The following ANO1 variants were observed in gnomAD, a reference collection of about 807,000 sequenced individuals.
ANO1 encodes the protein anoctamin 1, also known as anoctamin-1.
In ANO1, 59 loss-of-function variants were observed where a neutral mutation model predicts 124.0. The observed-to-expected ratio is 0.48, with a 90% confidence interval of 0.39 to 0.59. The LOEUF is 0.59. Among genes scored for constraint, ANO1 ranks in the 20% least tolerant of loss-of-function variants. The pLI, the probability that ANO1 is intolerant of heterozygous loss-of-function variation, is 0.00. For missense variants in ANO1, 1,059 were observed against 1,328.0 expected, an observed-to-expected ratio of 0.80 and a Z score of 3.15; for synonymous variants, 529 against 532.0, an observed-to-expected ratio of 0.99 and a Z score of 0.08.
At chr11:70,032,052 A>T (rs1857011291) in intron 1 of ANO1, among the ~76,000 whole-genome samples, 1 of 152,160 alleles carries the variant, frequency 6.6e-6, no homozygotes, top group Non-Finnish European at 1.5e-5. Flanking sequence ...ACACTCAGGG[A>T]GAGGACAGAC....
At chr11:70,144,910 C>T (rs1162655823) in intron 11 of ANO1, among the ~76,000 whole-genome samples, 1 of 152,152 alleles carries the variant, frequency 6.6e-6, no homozygotes, top group Non-Finnish European at 1.5e-5. Context: ...GTGCGTCGTC[C>T]CTGCGTGGAG....
At chr11:70,161,576 G>A (rs1178757059) in intron 17 of ANO1, 46 bp from the exon 18 acceptor site, 1 of 1,594,314 alleles carries the variant, frequency 6.3e-7, no homozygotes. Context: ...GGCTGTTGGG[G>A]GCCATCCCAG....
intron 2 of ANO1, among the ~76,000 whole-genome samples, chr11:70,094,351 G>A (rs1172825500): frequency 2.0e-5 from 3 of 152,230 alleles, no homozygotes; most frequent in Non-Finnish European, 1.5e-5. Flanking sequence ...ATGTGGGCAG[G>A]TGTGGGAGGC....
At chr11:70,141,376 G>A (rs561511037) in intron 11 of ANO1, among the ~76,000 whole-genome samples, 1 of 152,136 alleles carries the variant, frequency 6.6e-6, no homozygotes, top group Non-Finnish European at 1.5e-5. Flanking sequence ...GGGAGTGGGG[G>A]ACTCTGTGCC....
chr11:70,169,225 G>A (rs1054958207), intron 21 of ANO1, among the ~76,000 whole-genome samples: 11 of 152,098 alleles, frequency 7.2e-5, no homozygotes, highest in Middle Eastern at 3.2e-3. Flanking sequence ...AGTTCCTGAC[G>A]GGTTTGGACA....
intron 7 of ANO1, among the ~76,000 whole-genome samples, chr11:70,113,018 C>A (rs945831588): frequency 6.6e-6 from 1 of 152,172 alleles, no homozygotes. Context: ...CCTGTCAGGG[C>A]CTCCTCCTCA....
intron 1 of ANO1, among the ~76,000 whole-genome samples, chr11:69,993,761 C>T (rs1856202248): frequency 6.6e-6 from 1 of 152,256 alleles, no homozygotes; most frequent in Non-Finnish European, 1.5e-5. Context: ...TTCACTCTTT[C>T]TGTCTTCATG....
intron 10 of ANO1, among the ~76,000 whole-genome samples, chr11:70,130,686 C>T (rs566115135): frequency 6.6e-6 from 1 of 152,330 alleles, no homozygotes; most frequent in South Asian, 2.1e-4. Flanking sequence ...CTCTCCTGGC[C>T]ACAGTAGTTG....
intron 1 of ANO1, among the ~76,000 whole-genome samples, chr11:70,013,375 A>C (rs530280594): frequency 1.4e-4 from 21 of 151,340 alleles, no homozygotes; most frequent in African/African-American, 5.2e-4. Flanking sequence ...GGGCCACACC[A>C]GGCTTGCCTT....
intron 11 of ANO1, among the ~76,000 whole-genome samples, chr11:70,140,543 A>G (rs1474152971): frequency 3.3e-5 from 5 of 152,124 alleles, no homozygotes; most frequent in Admixed American, 6.6e-5. Context: ...AGGAAAAAAA[A>G]AAGAAGAAGA....
chr11:70,146,867 G>T (rs1458489833), intron 11 of ANO1, among the ~76,000 whole-genome samples: 1 of 152,202 alleles, frequency 6.6e-6, no homozygotes, highest in African/African-American at 2.4e-5. Flanking sequence ...CTCAGCAAGT[G>T]TGCTCTTCCA....
chr11:70,060,456 G>A (rs1857548191), intron 1 of ANO1, among the ~76,000 whole-genome samples: 1 of 152,216 alleles, frequency 6.6e-6, no homozygotes, highest in South Asian at 2.1e-4. Context: ...ATATGTATTA[G>A]GGAAACACAG....
Position 70,149,832 on chromosome 11 carries a change from C to G in ANO1, c.1341+40C>G, listed in dbSNP as rs181362620. 147 of 1,599,160 alleles carry G rather than the reference C, an allele frequency of 9.2e-5. No homozygotes were observed. The African/African-American group carries it at 1.6e-3, about 18-fold the overall frequency. On this transcript the variant is annotated intron_variant, in intron 12 of 25. Coordinates refer to ENST00000355303, the MANE Select transcript of ANO1 (RefSeq NM_018043.7). ...CGCCGTGCATATCACGCCCTTCCCC[C>G]ACGTTCCCCCTACCCCAGGACCTCC...
intron 1 of ANO1, among the ~76,000 whole-genome samples, chr11:70,011,337 G>A (rs188574581): frequency 6.6e-6 from 1 of 152,144 alleles, no homozygotes; most frequent in Non-Finnish European, 1.5e-5. Context: ...GTGCCTGTCA[G>A]CCAGGTGAGT....
rs750594728 is a variant in ANO1, at chr11:70,170,883, G to A, written c.2198-4G>A. 6.2e-7 allele frequency: 1 copy of A among 1,612,754 alleles called. No homozygotes were observed. The highest frequency in any genetic ancestry group is 1.7e-5 in the Admixed American group (1 of 59,858). On this transcript the variant is annotated splice_polypyrimidine_tract_variant and splice_region_variant and intron_variant, in intron 21 of 25. Transcript: ENST00000355303. ...TGCTGACTAGCACTGGGCTCTCTCT[G>A]CAGTCATCCAGTTTGGCTTCGTCAC...
intron 14 of ANO1, among the ~76,000 whole-genome samples, chr11:70,155,119 TG>T (rs1206388353): frequency 6.6e-6 from 1 of 152,218 alleles, no homozygotes; most frequent in Admixed American, 6.5e-5. Context: ...TCGCACCTCT[TG>T]CAGTGAGCAT....
intron 1 of ANO1, among the ~76,000 whole-genome samples, chr11:70,045,729 G>C (rs1486801324): frequency 2.0e-5 from 3 of 152,156 alleles, no homozygotes; most frequent in Non-Finnish European, 4.4e-5. Flanking sequence ...CACGTGAAAA[G>C]ATGTTTCAAG....
At chr11:70,111,666 C>A (rs1462207292) in intron 6 of ANO1, 41 bp from the exon 7 acceptor site, 3 of 1,605,912 alleles carry the variant, frequency 1.9e-6, no homozygotes, top group East Asian at 4.5e-5. Context: ...AAGCGGGAGA[C>A]CCGCCTGCCC....
At chr11:70,076,658 G>A (rs2044062099), upstream of ANO1, among the ~76,000 whole-genome samples, 1 of 152,272 alleles carries the variant, frequency 6.6e-6, no homozygotes, top group East Asian at 1.9e-4. Context: ...ACTGTTCCTG[G>A]CATGGATTTG....
Sources: gnomAD v4.1 joint callset for allele counts (sites outside exome capture counted in the v4.1 genomes callset) on GRCh38, gnomAD v4.1.1 for gene constraint, MANE v1.5 for transcripts, NCBI Gene and HGNC (gene_info 2026-07-23, HGNC 2026-07-21) for gene names.